A1CF: variants seen among roughly 807,000 people sequenced by gnomAD.
A1CF encodes the protein APOBEC-1 stimulating protein.
In A1CF, 48 loss-of-function variants were observed where a neutral mutation model predicts 68.9. The ratio of observed to expected loss-of-function variants is 0.70; its 90% CI spans 0.55 to 0.89. The LOEUF (loss-of-function observed/expected upper bound fraction) is 0.89, where lower values mean the gene tolerates loss of function less well. Ranked by LOEUF, A1CF falls within the 40% of genes least tolerant of loss-of-function variation. The pLI is 0.00. For synonymous variants in A1CF, 272 were observed against 260.4 expected (o/e 1.04, Z -0.43); for missense variants, 653 against 718.9 (o/e 0.91, Z 1.05).
At position 50,868,499 on chromosome 10, in the gene A1CF, C is replaced by T. The variant is rs372007839; in HGVS notation, c.-93-4419G>A. ...AAATTTCAAAATATAGCCATGAAGA[C>T]ATCACAAAAAGTCCCAATGTGCAAC... On this transcript the variant is annotated intron_variant, in intron 1 of 12. Coordinates refer to ENST00000373997, the MANE Select transcript of A1CF (RefSeq NM_014576.4). 1.1e-4 allele frequency among the ~76,000 whole-genome samples: 16 copies of T among 152,136 alleles called. No homozygotes were observed. The South Asian group carries it at 3.3e-3, about 32-fold the overall frequency.
intron 3 of A1CF, among the ~76,000 whole-genome samples, chr10:50,851,825 A>G (rs1203152031): frequency 6.6e-6 from 1 of 152,228 alleles, no homozygotes; most frequent in Non-Finnish European, 1.5e-5. Context: ...TTCCCTGCTC[A>G]GCACTTCTTT....
chr10:50,842,010 A>G lies in A1CF; in HGVS notation c.235-18T>C. 1.9e-6 allele frequency: 3 copies of G among 1,591,162 alleles called. No homozygotes were observed. Among genetic ancestry groups the G allele is most frequent in the Non-Finnish European group, 2.6e-6 (3 of 1,161,938 alleles). ...TTACCGATCTGCAAGTAATAGAAAT[A>G]GAACATTTATATTTATACGTTTGTA... On this transcript the variant is annotated intron_variant, in intron 4 of 12. Coordinates refer to ENST00000373997, the MANE Select transcript of A1CF (RefSeq NM_014576.4).
chr10:50,852,158 G>T (rs993951578), intron 3 of A1CF, among the ~76,000 whole-genome samples: 1 of 152,212 alleles, frequency 6.6e-6, no homozygotes, highest in African/African-American at 2.4e-5. Context: ...GAAAAAGTCT[G>T]TGCTTCTAGC....
At position 50,804,683 on chromosome 10, in the gene A1CF, C is replaced by G. The variant is rs541821379; in HGVS notation, c.*2046G>C. 2 of 152,210 alleles carry G rather than the reference C, an allele frequency of 1.3e-5. No individual in the cohort carries two copies. The highest frequency in any genetic ancestry group is 3.9e-4 in the East Asian group (2 of 5,186). 9.4% of individuals were successfully genotyped at this position (152,210 alleles called of 1,614,324 possible). ...TACGTAAGTTACATTTAAATTCATA[C>G]TATTTATGGGATAAATATGATTTGG... On this transcript the variant is annotated 3_prime_UTR_variant, in exon 13 of 13. Coordinates refer to ENST00000373997, the MANE Select transcript of A1CF (RefSeq NM_014576.4).
rs1224206044 is a variant in A1CF, at chr10:50,806,113, G to C, written c.*616C>G. 1 of 152,142 alleles carries C rather than the reference G, an allele frequency of 6.6e-6. No individual in the cohort carries two copies. The highest frequency in any genetic ancestry group is 1.5e-5 in the Non-Finnish European group (1 of 68,046). The allele number at this position is 152,142 out of a possible 1,614,324, so 9.4% of individuals were successfully genotyped here. On this transcript the variant is annotated 3_prime_UTR_variant, in exon 13 of 13. Transcript: ENST00000373997. ...TCTAGGAAGTCCCCATGGGCTGCAG[G>C]GGACAGGAAGATCCTGATCTGTGAC...
intron 3 of A1CF, among the ~76,000 whole-genome samples, chr10:50,856,232 A>G (rs1344238957): frequency 6.6e-6 from 1 of 152,084 alleles, no homozygotes; most frequent in East Asian, 1.9e-4. Context: ...CTTTTTAAAG[A>G]TCATACAACT....
chr10:50,853,713 T>C (rs1249277424), intron 3 of A1CF, among the ~76,000 whole-genome samples: 1 of 151,024 alleles, frequency 6.6e-6, no homozygotes, highest in Non-Finnish European at 1.5e-5. Context: ...GCTTCTAATA[T>C]AGAGCAGTAG....
intron 5 of A1CF, among the ~76,000 whole-genome samples, chr10:50,837,138 C>T (rs1839539538): frequency 6.6e-6 from 1 of 152,196 alleles, no homozygotes; most frequent in African/African-American, 2.4e-5. Flanking sequence ...CACATATGAC[C>T]TTATCTGCCC....
At chr10:50,858,916 T>C (rs778349265) in intron 3 of A1CF, among the ~76,000 whole-genome samples, 5 of 152,086 alleles carry the variant, frequency 3.3e-5, no homozygotes, top group Non-Finnish European at 5.9e-5. Flanking sequence ...AGAAAATAAC[T>C]ATTACTATGT....
chr10:50,818,518 C>T (rs4245010), intron 8 of A1CF, among the ~76,000 whole-genome samples: 148,860 of 152,212 alleles, frequency 0.98, 72,867 homozygotes, highest in East Asian at 1. Flanking sequence ...ATTATTCCAA[C>T]GTAATTTTTG....
intron 8 of A1CF, among the ~76,000 whole-genome samples, chr10:50,817,505 G>GT (rs1342565926): frequency 6.6e-6 from 1 of 152,168 alleles, no homozygotes; most frequent in Non-Finnish European, 1.5e-5. Flanking sequence ...AGGAGCCAGT[G>GT]TCAAATAAGT....
At chr10:50,815,378 G>T (rs746748524) in intron 9 of A1CF, among the ~76,000 whole-genome samples, 1 of 152,162 alleles carries the variant, frequency 6.6e-6, no homozygotes. Context: ...TTAGCAGTCT[G>T]ATTGAGGGTT....
At chr10:50,873,874 A>G (rs1457738561) in intron 1 of A1CF, among the ~76,000 whole-genome samples, 2 of 152,178 alleles carry the variant, frequency 1.3e-5, no homozygotes, top group Non-Finnish European at 2.9e-5. Context: ...TATATCAGAG[A>G]AAAAATACCA....
chr10:50,860,811 T>G (rs1278478959), intron 2 of A1CF, among the ~76,000 whole-genome samples: 6 of 152,186 alleles, frequency 3.9e-5, no homozygotes, highest in African/African-American at 1.4e-4. Context: ...CAGAACAAGA[T>G]AATGTCCATT....
chr10:50,857,569 T>TA (rs1244736048), intron 3 of A1CF, among the ~76,000 whole-genome samples: 3 of 152,160 alleles, frequency 2.0e-5, no homozygotes, highest in African/African-American at 7.2e-5. Context: ...TAGTTCCCCC[T>TA]AAGTGGGAGG....
At chr10:50,809,841 G>C in intron 12 of A1CF, 53 bp downstream of exon 12, 1 of 1,603,776 alleles carries the variant, frequency 6.2e-7, no homozygotes, top group Non-Finnish European at 8.5e-7. Context: ...ACCAAAAAAG[G>C]GTTTCCCAAA....
intron 1 of A1CF, among the ~76,000 whole-genome samples, chr10:50,877,813 G>A (rs189324815): frequency 6.6e-6 from 1 of 152,314 alleles, no homozygotes; most frequent in Non-Finnish European, 1.5e-5. Context: ...GATAGGGAGT[G>A]TCTCTGTCTT....
At chr10:50,862,372 A>G (rs1458303380) in intron 2 of A1CF, among the ~76,000 whole-genome samples, 1 of 152,166 alleles carries the variant, frequency 6.6e-6, no homozygotes, top group Non-Finnish European at 1.5e-5. Flanking sequence ...TTTCAAAAAA[A>G]AAAGGAAGTA....
chr10:50,875,526 C>T (rs562165966), intron 1 of A1CF, among the ~76,000 whole-genome samples: 2 of 152,308 alleles, frequency 1.3e-5, no homozygotes, highest in East Asian at 1.9e-4. Flanking sequence ...AATGAAGAGC[C>T]TGAGCAGTTC....
Sources: allele counts gnomAD v4.1 joint callset (sites outside exome capture counted in the v4.1 genomes callset), GRCh38; gene constraint gnomAD v4.1.1; transcripts MANE v1.5; gene names NCBI Gene and HGNC (gene_info 2026-07-23, HGNC 2026-07-21).